The following ERC1 variants were observed in gnomAD, a reference collection of about 807,000 sequenced individuals.
ERC1 encodes the protein RAB6 interacting protein 2.
In ERC1, 56 loss-of-function variants were observed where a neutral mutation model predicts 132.0. The ratio of observed to expected loss-of-function variants is 0.42; its 90% CI spans 0.34 to 0.53. ERC1 has a LOEUF of 0.53. Among genes scored for constraint, ERC1 ranks in the 20% least tolerant of loss-of-function variants. ERC1 has a pLI of 0.03. For missense variants in ERC1, 1,202 were observed against 1,349.9 expected (o/e 0.89, Z 1.72); for synonymous variants, 478 against 476.1 (o/e 1.00, Z -0.05).
chr12:1,190,298 G>C, intron 12 of ERC1: 1 of 594,318 alleles, frequency 1.7e-6, no homozygotes, highest in Non-Finnish European at 3.1e-6. Flanking sequence ...GCAAAAAAGA[G>C]AGTATTCATT....
At chr12:1,490,005 C>A in intron 18 of ERC1, 88 bp from the exon 19 acceptor site, 1 of 1,404,500 alleles carries the variant, frequency 7.1e-7, no homozygotes. Flanking sequence ...ATACAGAGTG[C>A]CTTTGTCATT....
rs975341041 is a variant in ERC1 at position 1,493,084 on chromosome 12, G to A, written c.*2854G>A. On this transcript the variant is annotated 3_prime_UTR_variant, in exon 19 of 19. Coordinates refer to ENST00000360905, the MANE Select transcript of ERC1 (RefSeq NM_178040.4). ...GAAGAAGAGTGGGTGTGATCCCAAC[G>A]GGGTTTTGTAACTGAAGAAGCCCAG... The A allele has an allele frequency of 4.1e-5, 9 of 220,340 alleles. No homozygotes were observed. Among genetic ancestry groups the A allele is most frequent in the African/African-American group, 1.6e-4 (7 of 44,542 alleles). 13.6% of individuals were successfully genotyped at this position (220,340 alleles called of 1,614,324 possible). A position where few individuals can be genotyped will look rare whatever the true frequency, so the allele number is the denominator to read the frequency against.
intron 7 of ERC1, among the ~76,000 whole-genome samples, chr12:1,122,169 GTCTCTA>G (rs1387095278): frequency 3.5e-4 from 26 of 73,834 alleles, no homozygotes; most frequent in South Asian, 1.1e-3. Context: ...CTCTATCTGT[GTCTCTA>G]TCTCTATCTC....
intron 7 of ERC1, among the ~76,000 whole-genome samples, chr12:1,139,593 G>A (rs974944289): frequency 2.0e-5 from 3 of 152,046 alleles, no homozygotes; most frequent in Admixed American, 1.3e-4. Flanking sequence ...TATATTCTTC[G>A]ACGACAAGGG....
At chr12:1,293,164 A>G (rs61009778) in intron 15 of ERC1, among the ~76,000 whole-genome samples, 56,934 of 139,444 alleles carry the variant, frequency 0.41, 12,065 homozygotes, top group Middle Eastern at 0.57. Flanking sequence ...AAAAAAATTA[A>G]CCAGGCATGG....
intron 11 of ERC1, among the ~76,000 whole-genome samples, chr12:1,184,222 T>A (rs1334434021): frequency 1.3e-5 from 2 of 152,016 alleles, no homozygotes; most frequent in East Asian, 3.8e-4. Flanking sequence ...AGACTCAGAA[T>A]AATTGTTAAA....
chr12:1,281,098 A>G (rs764145583), intron 14 of ERC1, among the ~76,000 whole-genome samples: 1 of 152,212 alleles, frequency 6.6e-6, no homozygotes, highest in Non-Finnish European at 1.5e-5. Flanking sequence ...AAACTTAAGG[A>G]AAGTGTTTGA....
Position 1,494,644 on chromosome 12 carries a change from G to C in ERC1, c.*4414G>C. On this transcript the variant is annotated 3_prime_UTR_variant, in exon 19 of 19. Coordinates refer to ENST00000360905, the MANE Select transcript of ERC1 (RefSeq NM_178040.4). Reference sequence around the variant, plus strand: ...ACTTCTCCTGACTCTTGGGGGAGAAGTGGTTTTAGGGATTGATTTGGGGGA... The same window carrying C: ...ACTTCTCCTGACTCTTGGGGGAGAACTGGTTTTAGGGATTGATTTGGGGGA... 1 of 231,160 alleles carries C rather than the reference G, an allele frequency of 4.3e-6. No individual in the cohort carries two copies. Among genetic ancestry groups the C allele is most frequent in the East Asian group, 6.1e-5 (1 of 16,306 alleles). The allele number at this position is 231,160 out of a possible 1,614,324, so 14.3% of individuals were successfully genotyped here.
At chr12:1,047,504 A>G (rs1971268010) in intron 2 of ERC1, among the ~76,000 whole-genome samples, 1 of 152,072 alleles carries the variant, frequency 6.6e-6, no homozygotes, top group Admixed American at 6.6e-5. Context: ...CGTTTTAGAG[A>G]TGGCTTTGGG....
At chr12:1,222,828 A>G (rs1435043130) in intron 12 of ERC1, among the ~76,000 whole-genome samples, 1 of 152,222 alleles carries the variant, frequency 6.6e-6, no homozygotes, top group Non-Finnish European at 1.5e-5. Context: ...GCCTCTGGCA[A>G]ATGTTGTTAG....
At chr12:1,187,115 G>A (rs1955187093) in intron 11 of ERC1, among the ~76,000 whole-genome samples, 2 of 152,298 alleles carry the variant, frequency 1.3e-5, no homozygotes, top group South Asian at 2.1e-4. Context: ...ACAGGCGTGA[G>A]CCAGTCACTG....
rs2090769078 is a variant in ERC1 at position 1,398,924 on chromosome 12, C to A, written c.2926-9225C>A. ...CTGACAAATGAGTTTATTTTCTTTT[C>A]TCCTACTTTTTTTTTTTTTTTTTTT... On this transcript the variant is annotated intron_variant, in intron 16 of 18. Transcript: ENST00000360905. 3.9e-5 allele frequency among the ~76,000 whole-genome samples: 5 copies of A among 128,978 alleles called. No homozygotes were observed. The South Asian group carries it at 1.0e-3, about 26-fold the overall frequency. The allele number at this position is 128,978 out of a possible 152,430, so 84.6% of individuals were successfully genotyped here. A position where few individuals can be genotyped will look rare whatever the true frequency, so the allele number is the denominator to read the frequency against.
chr12:1,179,517 TTTTTTTTTG>T, intron 8 of ERC1, among the ~76,000 whole-genome samples: 1 of 141,984 alleles, frequency 7.0e-6, no homozygotes. Flanking sequence ...TTTTTTTTTT[TTTTTTTTTG>T]AGACGGAGTC....
At chr12:1,361,687 C>T (rs2154370819) in intron 15 of ERC1, among the ~76,000 whole-genome samples, 1 of 152,232 alleles carries the variant, frequency 6.6e-6, no homozygotes, top group South Asian at 2.1e-4. Flanking sequence ...GAAAGTGCCT[C>T]CAGGAAAGCA....
chr12:1,171,396 G>A (rs1213759741), intron 8 of ERC1, among the ~76,000 whole-genome samples: 2 of 48,912 alleles, frequency 4.1e-5, no homozygotes, highest in Admixed American at 2.6e-4. Context: ...TTATAGTTTT[G>A]CCTTGTTTGT....
chr12:1,159,115 T>C (rs1238272683), intron 8 of ERC1, among the ~76,000 whole-genome samples: 1 of 152,198 alleles, frequency 6.6e-6, no homozygotes. Context: ...CTATAATGAA[T>C]GAATTGATTT....
At position 1,490,262 on chromosome 12, in the gene ERC1, A is replaced by C; in HGVS notation, c.*32A>C. ...TTTATGGGGAAGCCTGAGGTAGTCA[A>C]CCCAGGAGCCAAGAAAAGAGAACTA... On this transcript the variant is annotated 3_prime_UTR_variant, in exon 19 of 19. Transcript: ENST00000360905. The C allele has an allele frequency of 6.2e-7, 1 of 1,600,344 alleles. No homozygotes were observed. The highest frequency in any genetic ancestry group is 8.5e-7 in the Non-Finnish European group (1 of 1,171,128).
At chr12:1,201,643 G>T (rs955442406) in intron 12 of ERC1, among the ~76,000 whole-genome samples, 9 of 152,190 alleles carry the variant, frequency 5.9e-5, no homozygotes, top group Admixed American at 2.6e-4. Flanking sequence ...CTGTTGCATA[G>T]TGTAACCCGG....
intron 15 of ERC1, among the ~76,000 whole-genome samples, chr12:1,370,866 C>T (rs991127046): frequency 6.6e-6 from 1 of 152,046 alleles, no homozygotes; most frequent in Admixed American, 6.6e-5. Context: ...TAGCTGGGAC[C>T]AGAAGCGTGT....
Sources: allele counts gnomAD v4.1 joint callset (sites outside exome capture counted in the v4.1 genomes callset), GRCh38; gene constraint gnomAD v4.1.1; transcripts MANE v1.5; gene names NCBI Gene and HGNC (gene_info 2026-07-23, HGNC 2026-07-21).